The following ARHGEF38 variants were observed in gnomAD, a reference collection of about 807,000 sequenced individuals.
ARHGEF38 encodes the protein Rho guanine nucleotide exchange factor 38.
ARHGEF38 carries 79 observed loss-of-function variants against 79.9 expected under a neutral mutation model. That is an observed-to-expected ratio of 0.99 (90% CI 0.82 to 1.19). ARHGEF38 has a LOEUF of 1.19. Ranked by LOEUF, ARHGEF38 falls within the 50% of genes most tolerant of loss-of-function variation. The pLI is 0.00. For synonymous variants in ARHGEF38, 366 were observed against 328.3 expected (o/e 1.11, Z -1.24); for missense variants, 962 against 907.2 (o/e 1.06, Z -0.78).
chr4:105,568,344 G>C (rs965181832), intron 1 of ARHGEF38, among the ~76,000 whole-genome samples: 1 of 151,282 alleles, frequency 6.6e-6, no homozygotes, highest in African/African-American at 2.4e-5. Context: ...GAAACAACAG[G>C]TGCTGGAGAG....
At position 105,654,121 on chromosome 4, in the gene ARHGEF38, T is replaced by C; in HGVS notation, c.1065T>C (p.Thr355=). 1 of 1,522,006 alleles carries C rather than the reference T, an allele frequency of 6.6e-7. No homozygotes were observed. The highest frequency in any genetic ancestry group is 8.8e-7 in the Non-Finnish European group (1 of 1,137,126). The allele number at this position is 1,522,006 out of a possible 1,614,324, so 94.3% of individuals were successfully genotyped here. A position where few individuals can be genotyped will look rare whatever the true frequency, so the allele number is the denominator to read the frequency against. The change falls in exon 8 of 14, where the codon ACT becomes ACC. Residue 355 remains threonine (T), a synonymous_variant. Coordinates refer to ENST00000420470, the MANE Select transcript of ARHGEF38 (RefSeq NM_001242729.2). Reference sequence around the variant, plus strand: ...AGCTGTTTAGAGCTTTAGAAAAGACTGTGAGGCTTTGTGTGAAGAACATTT... The same window carrying C: ...AGCTGTTTAGAGCTTTAGAAAAGACCGTGAGGCTTTGTGTGAAGAACATTT... ...EEKLFRALEK[T]VRLCVKNISL... is the part of the protein sequence containing the mutation.
At chr4:105,598,781 T>C (rs747923189) in intron 2 of ARHGEF38, among the ~76,000 whole-genome samples, 1 of 151,880 alleles carries the variant, frequency 6.6e-6, no homozygotes, top group Non-Finnish European at 1.5e-5. Flanking sequence ...ATACCTGAGG[T>C]CTCATAAAGT....
Position 105,659,177 on chromosome 4 carries a change from C to A in ARHGEF38, c.1357C>A (p.Arg453=). Residue 453 remains arginine (R), a synonymous_variant, in exon 10 of 14, where the codon CGA becomes AGA. Coordinates refer to ENST00000420470, the MANE Select transcript of ARHGEF38 (RefSeq NM_001242729.2). ...GCTGGATTGCAACAGCTACCTGCAG[C>A]GATCAACGGGAGAGGAGTCAGACTT... The part of the protein sequence containing the change: ...KLLDCNSYLQ[R]STGEESDLAK... 1 of 1,536,130 alleles carries A rather than the reference C, an allele frequency of 6.5e-7. No homozygotes were observed.
At chr4:105,665,227 A>C (rs548812793) in intron 10 of ARHGEF38, among the ~76,000 whole-genome samples, 1 of 152,050 alleles carries the variant, frequency 6.6e-6, no homozygotes, top group African/African-American at 2.4e-5. Flanking sequence ...AGGTGCGGTC[A>C]CTTATGCCTG....
intron 2 of ARHGEF38, among the ~76,000 whole-genome samples, chr4:105,596,929 G>A (rs890024996): frequency 9.2e-5 from 14 of 152,184 alleles, no homozygotes; most frequent in African/African-American, 2.4e-4. Flanking sequence ...CAGCAGCCCT[G>A]ATGCACTGCT....
intron 2 of ARHGEF38, among the ~76,000 whole-genome samples, chr4:105,603,417 A>G (rs1471349642): frequency 1.3e-5 from 2 of 152,092 alleles, no homozygotes; most frequent in Non-Finnish European, 2.9e-5. Flanking sequence ...GGGAAGGTGT[A>G]CTTGAACTGG....
In ARHGEF38 at chr4:105,576,180, G is replaced by T. The variant is rs568885568; in HGVS notation, c.197-13068G>T. Among the ~76,000 whole-genome samples, 5 of 152,150 alleles carry T rather than the reference G, an allele frequency of 3.3e-5. No homozygotes were observed. In the East Asian group the frequency reaches 9.6e-4, roughly 29 times the overall value. On this transcript the variant is annotated intron_variant, in intron 1 of 13. Coordinates refer to ENST00000420470, the MANE Select transcript of ARHGEF38 (RefSeq NM_001242729.2). Reference sequence around the variant, plus strand: ...TTAGGATTGTTTTTGCTAATTCTGTGAAAAATGATTTTGGTATTTTGATGG... The same window carrying T: ...TTAGGATTGTTTTTGCTAATTCTGTTAAAAATGATTTTGGTATTTTGATGG...
chr4:105,552,811 A>G lies in ARHGEF38; in HGVS notation c.46A>G (p.Lys16Glu), dbSNP rs747288600. The G allele has an allele frequency of 1.9e-6, 3 of 1,612,676 alleles. No individual in the cohort carries two copies. The highest frequency in any genetic ancestry group is 2.2e-5 in the South Asian group (2 of 90,642). Residue 16 changes from lysine (K) to glutamate (E), a missense_variant, in exon 1 of 14, where the codon AAA becomes GAA. By Grantham distance (56) the Lys-to-Glu change is moderately conservative (BLOSUM62 1). Transcript: ENST00000420470. Reference protein sequence around the residue: ...ATGKENMVTKKKNLAFLRSRL... With the variant: ...ATGKENMVTKEKNLAFLRSRL... ...TGGGAAAGAAAACATGGTCACCAAG[A>G]AAAAGAATCTGGCCTTCTTGAGGTC...
chr4:105,677,808 G>A lies in ARHGEF38; in HGVS notation c.2205G>A (p.Gln735=), dbSNP rs1731174301. 1 of 1,533,354 alleles carries A rather than the reference G, an allele frequency of 6.5e-7. No individual in the cohort carries two copies. Among genetic ancestry groups the A allele is most frequent in the Non-Finnish European group, 8.7e-7 (1 of 1,144,888 alleles). 95.0% of individuals were successfully genotyped at this position (1,533,354 alleles called of 1,614,324 possible). A position where few individuals can be genotyped will look rare whatever the true frequency, so the allele number is the denominator to read the frequency against. The change falls in exon 14 of 14, where the codon CAG becomes CAA. Residue 735 remains glutamine (Q), a synonymous_variant. Transcript: ENST00000420470. ...QARSDHELSL[Q]EYQRVHILRF... is the part of the protein sequence containing the mutation. ...GGAGTGACCATGAACTCAGCCTTCA[G>A]GAATACCAGAGAGTTCATATACTCA...
rs779466972 is a variant in ARHGEF38 at position 105,666,212 on chromosome 4, G to C, written c.1581G>C (p.Gln527His). ...TGGTTTCAAGCATTTCTGAGATTCAGAATCAAGTACTAGAAGAGATCCAAA... is the reference window on the plus strand; with the variant it reads ...TGGTTTCAAGCATTTCTGAGATTCACAATCAAGTACTAGAAGAGATCCAAA... ...PLLVSSISEI[Q>H]NQVLEEIQNL... The change falls in exon 11 of 14, where the codon CAG becomes CAC. Residue 527 changes from glutamine (Q) to histidine (H), a missense_variant. By Grantham distance (24) the Gln-to-His change is conservative. Transcript: ENST00000420470. The C allele has an allele frequency of 7.8e-6, 12 of 1,530,998 alleles. No homozygotes were observed. In the South Asian group the frequency reaches 1.5e-4, roughly 19 times the overall value. The allele number at this position is 1,530,998 out of a possible 1,614,324, so 94.8% of individuals were successfully genotyped here.
intron 10 of ARHGEF38, among the ~76,000 whole-genome samples, chr4:105,662,505 T>C (rs764101185): frequency 9.2e-5 from 14 of 152,148 alleles, no homozygotes; most frequent in Non-Finnish European, 1.3e-4. Context: ...TTCAGCAGTG[T>C]TTCTTCTAGT....
chr4:105,652,603 A>G (rs1454523313), intron 7 of ARHGEF38, among the ~76,000 whole-genome samples: 1 of 152,222 alleles, frequency 6.6e-6, no homozygotes. Flanking sequence ...ATAGGAAAGT[A>G]GAATTGGGCA....
chr4:105,656,587 GC>G (rs1730336025), intron 9 of ARHGEF38, among the ~76,000 whole-genome samples: 1 of 152,042 alleles, frequency 6.6e-6, no homozygotes, highest in Admixed American at 6.6e-5. Flanking sequence ...TTAATTTAGT[GC>G]CTTGTGTTTC....
At chr4:105,659,589 T>G (rs528243666) in intron 10 of ARHGEF38, among the ~76,000 whole-genome samples, 1 of 152,338 alleles carries the variant, frequency 6.6e-6, no homozygotes, top group East Asian at 1.9e-4. Context: ...ACTTACACAT[T>G]TGTAATTCTT....
intron 2 of ARHGEF38, among the ~76,000 whole-genome samples, chr4:105,598,390 A>T (rs1233588454): frequency 6.6e-6 from 1 of 152,196 alleles, no homozygotes; most frequent in Admixed American, 6.5e-5. Flanking sequence ...GATTTTGTTC[A>T]CTACATTAAA....
chr4:105,585,054 G>A (rs1351759079), intron 1 of ARHGEF38, among the ~76,000 whole-genome samples: 1 of 152,050 alleles, frequency 6.6e-6, no homozygotes, highest in Non-Finnish European at 1.5e-5. Flanking sequence ...TGAACTAGCT[G>A]TCCACCCACT....
intron 1 of ARHGEF38, among the ~76,000 whole-genome samples, chr4:105,576,114 C>T (rs959064148): frequency 2.0e-5 from 3 of 151,926 alleles, no homozygotes; most frequent in Non-Finnish European, 2.9e-5. Context: ...TGTTTAGGAT[C>T]GCTTTAGTTA....
intron 10 of ARHGEF38, among the ~76,000 whole-genome samples, chr4:105,662,804 A>G (rs1730611262): frequency 6.6e-6 from 1 of 152,162 alleles, no homozygotes; most frequent in South Asian, 2.1e-4. Context: ...AAGACATGTT[A>G]TTTTAGGTAT....
At position 105,679,505 on chromosome 4, in the gene ARHGEF38, T is replaced by C; in HGVS notation, c.*1568T>C. 6.8e-7 allele frequency: 1 copy of C among 1,469,750 alleles called. No homozygotes were observed. The highest frequency in any genetic ancestry group is 1.7e-5 in the Admixed American group (1 of 59,622). 91.0% of individuals were successfully genotyped at this position (1,469,750 alleles called of 1,614,324 possible). ...CCTTATCAGAGTTGATTAAAGATCA[T>C]GGTTCAAAGCTTGATACACCAGAAA... On this transcript the variant is annotated 3_prime_UTR_variant, in exon 14 of 14. Transcript: ENST00000420470.
Sources: allele counts gnomAD v4.1 joint callset (sites outside exome capture counted in the v4.1 genomes callset), GRCh38; gene constraint gnomAD v4.1.1; transcripts MANE v1.5; gene names NCBI Gene and HGNC (gene_info 2026-07-23, HGNC 2026-07-21).